Variants in IL1RAPL1 observed in about 807,000 individuals in gnomAD.
IL1RAPL1 encodes the protein interleukin-1 receptor accessory protein-like 1.
IL1RAPL1 carries 3 observed loss-of-function variants against 48.4 expected under a neutral mutation model. The observed-to-expected ratio is 0.06, with a 90% confidence interval of 0.03 to 0.16. The LOEUF is 0.16. Ranked by LOEUF, IL1RAPL1 falls within the 10% of genes least tolerant of loss-of-function variation. IL1RAPL1 has a pLI of 1.00. For missense variants in IL1RAPL1, 349 were observed against 530.6 expected (o/e 0.66, Z 3.36); for synonymous variants, 185 against 187.7 (o/e 0.99, Z 0.12).
chrX:29,331,644 T>A (rs1932886285), intron 3 of IL1RAPL1, among the ~76,000 whole-genome samples: 1 of 112,441 alleles, frequency 8.9e-6, no homozygotes, highest in African/African-American at 3.2e-5. Context: ...ACACTAGTAT[T>A]TCGCATCTGT....
Position 28,858,765 on chromosome X carries a change from T to C in IL1RAPL1, c.82+69340T>C, listed in dbSNP as rs1020794223. The stretch of plus-strand genomic sequence containing the variant: ...CAGTGGTCTGGAACTGAATCTGCAA[T>C]ATCTCCAAGGTATGCTTGTATTATT... On this transcript the variant is annotated intron_variant, in intron 2 of 10. Coordinates refer to ENST00000378993, the MANE Select transcript of IL1RAPL1 (RefSeq NM_014271.4). 3.6e-5 allele frequency among the ~76,000 whole-genome samples: 4 copies of C among 112,337 alleles called. No individual in the cohort carries two copies. The Admixed American group carries it at 3.8e-4, about 11-fold the overall frequency.
At chrX:29,302,770 G>A (rs970802283) in intron 3 of IL1RAPL1, among the ~76,000 whole-genome samples, 9 of 111,777 alleles carry the variant, frequency 8.1e-5, no homozygotes, top group African/African-American at 2.9e-4. Flanking sequence ...GGCTTGGAGA[G>A]TAGCATCTAA....
At chrX:29,803,183 GTATATA>G (rs755820654) in intron 6 of IL1RAPL1, among the ~76,000 whole-genome samples, 1 of 25,341 alleles carries the variant, frequency 3.9e-5, no homozygotes, top group African/African-American at 1.8e-4. Context: ...ATACATATAT[GTATATA>G]TGTATACATA....
At chrX:29,714,316 A>G (rs1218919587) in intron 6 of IL1RAPL1, among the ~76,000 whole-genome samples, 4 of 112,121 alleles carry the variant, frequency 3.6e-5, no homozygotes, top group Non-Finnish European at 7.5e-5. Context: ...CTTCTATTCA[A>G]TAGGCTTGTC....
At chrX:28,905,677 C>T (rs1923199824) in intron 2 of IL1RAPL1, among the ~76,000 whole-genome samples, 1 of 111,850 alleles carries the variant, frequency 8.9e-6, no homozygotes, top group African/African-American at 3.2e-5. Context: ...TATACTAATT[C>T]TTGAAATCAC....
intron 3 of IL1RAPL1, among the ~76,000 whole-genome samples, chrX:29,366,355 G>A (rs961142534): frequency 9.1e-6 from 1 of 110,224 alleles, no homozygotes; most frequent in Non-Finnish European, 1.9e-5. Flanking sequence ...TATTTTGTCA[G>A]TTATTCTAGC....
intron 2 of IL1RAPL1, among the ~76,000 whole-genome samples, chrX:29,066,899 A>T (rs1273137813): frequency 9.0e-6 from 1 of 111,140 alleles, no homozygotes; most frequent in Non-Finnish European, 1.9e-5. Flanking sequence ...GGAGCTGGGG[A>T]GAGTGTTAAG....
At chrX:29,041,062 A>G (rs1447620854) in intron 2 of IL1RAPL1, among the ~76,000 whole-genome samples, 1 of 112,171 alleles carries the variant, frequency 8.9e-6, no homozygotes, top group African/African-American at 3.2e-5. Context: ...ATCCTTCTTA[A>G]TGATAGCTGT....
At chrX:28,859,581 G>A (rs939321351) in intron 2 of IL1RAPL1, among the ~76,000 whole-genome samples, 3 of 110,347 alleles carry the variant, frequency 2.7e-5, no homozygotes, top group Non-Finnish European at 3.8e-5. Flanking sequence ...TTTAAAATAC[G>A]TATTTCAAAA....
At position 29,250,094 on chromosome X, in the gene IL1RAPL1, C is replaced by T. The variant is rs967261927; in HGVS notation, c.83-32844C>T. Among the ~76,000 whole-genome samples the T allele has an allele frequency of 5.4e-5, 6 of 111,543 alleles. No homozygotes were observed. The Admixed American group carries it at 5.7e-4, about 11-fold the overall frequency. ...AGCTAACAAAACTTAGACCTGTAGA[C>T]TCTAGTTGTATGTAGAAACTGCCAA... On this transcript the variant is annotated intron_variant, in intron 2 of 10. Transcript: ENST00000378993.
At chrX:29,333,783 C>G (rs1250665988) in intron 3 of IL1RAPL1, among the ~76,000 whole-genome samples, 1 of 65,659 alleles carries the variant, frequency 1.5e-5, no homozygotes, top group Non-Finnish European at 3.0e-5. Flanking sequence ...CCCTCCCGGA[C>G]AGGGCGGCTG....
intron 5 of IL1RAPL1, among the ~76,000 whole-genome samples, chrX:29,666,753 G>T (rs1314009742): frequency 9.0e-6 from 1 of 110,710 alleles, no homozygotes; most frequent in Non-Finnish European, 1.9e-5. Flanking sequence ...ACAGGGAACA[G>T]TTCTCTCAGG....
intron 1 of IL1RAPL1, among the ~76,000 whole-genome samples, chrX:28,690,656 G>C (rs1353035620): frequency 9.0e-6 from 1 of 111,284 alleles, no homozygotes; most frequent in African/African-American, 3.3e-5. Flanking sequence ...AGTAAACTCA[G>C]CATGTCAAGG....
chrX:29,644,017 G>A (rs1243609566), intron 5 of IL1RAPL1, among the ~76,000 whole-genome samples: 4 of 112,022 alleles, frequency 3.6e-5, no homozygotes, highest in African/African-American at 1.3e-4. Flanking sequence ...AGGAATCTGA[G>A]CTTCAAATAT....
chrX:29,493,887 A>T (rs143787791), intron 5 of IL1RAPL1, among the ~76,000 whole-genome samples: 2,863 of 110,137 alleles, frequency 0.026, 86 homozygotes, highest in African/African-American at 0.088. Flanking sequence ...TGTCCTTGCG[A>T]ATTCAATGCT....
chrX:28,702,172 C>T (rs1490503213), intron 1 of IL1RAPL1, among the ~76,000 whole-genome samples: 1 of 111,222 alleles, frequency 9.0e-6, no homozygotes, highest in East Asian at 2.8e-4. Flanking sequence ...TTCTATGTAA[C>T]TGGTTTAGAA....
chrX:29,806,217 G>A (rs184364974), intron 6 of IL1RAPL1, among the ~76,000 whole-genome samples: 6 of 109,626 alleles, frequency 5.5e-5, no homozygotes, highest in Admixed American at 1.9e-4. Context: ...GCACACGTGC[G>A]TGCACGCGTG....
intron 2 of IL1RAPL1, among the ~76,000 whole-genome samples, chrX:29,094,360 T>G (rs1322344097): frequency 9.0e-6 from 1 of 111,699 alleles, no homozygotes; most frequent in Non-Finnish European, 1.9e-5. Flanking sequence ...AATGAGTGCC[T>G]TTCAATTCAC....
At chrX:29,077,412 G>A (rs760377149) in intron 2 of IL1RAPL1, among the ~76,000 whole-genome samples, 2 of 110,365 alleles carry the variant, frequency 1.8e-5, no homozygotes, top group South Asian at 3.9e-4. Context: ...AGACCAGCCT[G>A]GTCAGCATGG....
Sources: allele counts gnomAD v4.1 joint callset (sites outside exome capture counted in the v4.1 genomes callset), GRCh38; gene constraint gnomAD v4.1.1; transcripts MANE v1.5; gene names NCBI Gene and HGNC (gene_info 2026-07-23, HGNC 2026-07-21).